The following DAB2IP variants were observed in gnomAD, a reference collection of about 807,000 sequenced individuals.
The protein encoded by DAB2IP is DAB2 interacting protein, also known as disabled homolog 2-interacting protein.
A neutral mutation model predicts 107.2 loss-of-function variants in DAB2IP; 28 were observed. The observed-to-expected ratio is 0.26, with a 90% confidence interval of 0.19 to 0.36. DAB2IP has a LOEUF of 0.36. DAB2IP is among the 10% of genes least tolerant of loss of function. DAB2IP has a pLI of 1.00. For synonymous variants in DAB2IP, 755 were observed against 706.4 expected (o/e 1.07, Z -1.09); for missense variants, 1,400 against 1,644.7 (o/e 0.85, Z 2.57).
chr9:121,714,382 C>T (rs758839475), intron 3 of DAB2IP, among the ~76,000 whole-genome samples: 2 of 152,194 alleles, frequency 1.3e-5, no homozygotes, highest in South Asian at 2.1e-4. Context: ...TGGTTTGCTT[C>T]GGAAACTCTG....
At chr9:121,581,919 C>A (rs527545417) in intron 1 of DAB2IP, among the ~76,000 whole-genome samples, 1 of 152,212 alleles carries the variant, frequency 6.6e-6, no homozygotes, top group Non-Finnish European at 1.5e-5. Context: ...CAGCTGACCC[C>A]GGGCTCATTA....
At chr9:121,774,341 G>A in exon 13 of DAB2IP, 5 of 1,613,190 alleles carry the variant, frequency 3.1e-6, no homozygotes, top group Non-Finnish European at 4.2e-6. Flanking sequence ...GTTAGAAGAC[G>A]AGGGCCTGGG....
intron 1 of DAB2IP, among the ~76,000 whole-genome samples, chr9:121,625,685 A>G (rs1477308808): frequency 4.1e-5 from 6 of 148,074 alleles, no homozygotes; most frequent in Admixed American, 2.0e-4. Flanking sequence ...TTTTTTCCCA[A>G]TGATGCCAGT....
At chr9:121,653,558 G>A (rs148025960) in intron 1 of DAB2IP, among the ~76,000 whole-genome samples, 1 of 152,140 alleles carries the variant, frequency 6.6e-6, no homozygotes, top group Non-Finnish European at 1.5e-5. Flanking sequence ...CTGAGAAATG[G>A]GAGCTTTGAA....
At chr9:121,594,520 G>A (rs1026103194) in intron 1 of DAB2IP, among the ~76,000 whole-genome samples, 6 of 152,080 alleles carry the variant, frequency 3.9e-5, no homozygotes, top group African/African-American at 1.4e-4. Flanking sequence ...TATAGGCCCC[G>A]AGCACTCTTT....
intron 3 of DAB2IP, among the ~76,000 whole-genome samples, chr9:121,719,141 T>C (rs1830778793): frequency 6.6e-6 from 1 of 152,280 alleles, no homozygotes; most frequent in Non-Finnish European, 1.5e-5. Flanking sequence ...CCCTGCAAAG[T>C]GGAGCACATG....
rs1422945596 is a variant in DAB2IP, at chr9:121,675,336, CAA to C, written c.125-3340_125-3339del. Among the ~76,000 whole-genome samples, 7 of 152,188 alleles carry C rather than the reference CAA, an allele frequency of 4.6e-5. No homozygotes were observed. In the East Asian group the frequency reaches 1.4e-3, roughly 29 times the overall value. On this transcript the variant is annotated intron_variant, in intron 1 of 15. Coordinates refer to ENST00000408936, the Ensembl canonical transcript of DAB2IP. ...CATTCCTGCATCGTGGCAGGTACAGCAAAGAGGGTTAGCAAGAACAGAAGCCA... is the reference window on the plus strand; with the variant it reads ...CATTCCTGCATCGTGGCAGGTACAGCAGAGGGTTAGCAAGAACAGAAGCCA...
exon 13 of DAB2IP, chr9:121,774,356 G>C: frequency 6.2e-7 from 1 of 1,612,848 alleles, no homozygotes; most frequent in Non-Finnish European, 8.5e-7. Flanking sequence ...CCTGGGCCCA[G>C]ACCCCCCCCA....
intron 1 of DAB2IP, among the ~76,000 whole-genome samples, chr9:121,580,811 G>A (rs1176538049): frequency 2.0e-5 from 3 of 152,164 alleles, no homozygotes; most frequent in African/African-American, 7.2e-5. Context: ...ATTTTTAGTA[G>A]AGACGGGGTT....
At chr9:121,660,128 A>T (rs1589468309) in intron 1 of DAB2IP, among the ~76,000 whole-genome samples, 1 of 152,268 alleles carries the variant, frequency 6.6e-6, no homozygotes, top group Non-Finnish European at 1.5e-5. Flanking sequence ...ACCACTGGGA[A>T]TCAAAGGAAG....
chr9:121,587,615 A>G (rs1830335854), intron 1 of DAB2IP, among the ~76,000 whole-genome samples: 2 of 127,410 alleles, frequency 1.6e-5, no homozygotes, highest in Non-Finnish European at 3.3e-5. Flanking sequence ...TCTCGAAAAG[A>G]AAAAAAAAAA....
chr9:121,652,979 T>G (rs1270953268), intron 1 of DAB2IP, among the ~76,000 whole-genome samples: 3 of 152,068 alleles, frequency 2.0e-5, no homozygotes, highest in Non-Finnish European at 4.4e-5. Context: ...CAGGAAGTAG[T>G]GAGTTCCCTG....
At chr9:121,774,991 G>A (rs767008000) in intron 13 of DAB2IP, among the ~76,000 whole-genome samples, 5 of 152,138 alleles carry the variant, frequency 3.3e-5, no homozygotes, top group South Asian at 2.1e-4. Flanking sequence ...CCCCACCCCC[G>A]GGAAAAGAAT....
At chr9:121,744,109 C>G (rs931144858) in intron 3 of DAB2IP, among the ~76,000 whole-genome samples, 1 of 152,194 alleles carries the variant, frequency 6.6e-6, no homozygotes, top group Non-Finnish European at 1.5e-5. Context: ...GGAGCTTGGC[C>G]TTTGCTCTGA....
intron 1 of DAB2IP, among the ~76,000 whole-genome samples, chr9:121,593,442 T>C (rs1000634276): frequency 6.6e-6 from 1 of 151,914 alleles, no homozygotes; most frequent in Non-Finnish European, 1.5e-5. Flanking sequence ...TAATTGTCTT[T>C]TCAATTTTTT....
intron 8 of DAB2IP, 81 bp from the exon 9 acceptor site, chr9:121,766,413 G>C: frequency 7.4e-7 from 1 of 1,347,426 alleles, no homozygotes. Context: ...GCCAAGGTTG[G>C]AATGCAGGTT....
chr9:121,576,955 C>T (rs1491002736), intron 1 of DAB2IP, among the ~76,000 whole-genome samples: 2 of 152,154 alleles, frequency 1.3e-5, no homozygotes, highest in Admixed American at 1.3e-4. Flanking sequence ...AGCCCTCACT[C>T]AACTGCCCAA....
At chr9:121,645,154 G>A (rs1402376123) in intron 1 of DAB2IP, among the ~76,000 whole-genome samples, 1 of 152,214 alleles carries the variant, frequency 6.6e-6, no homozygotes, top group Non-Finnish European at 1.5e-5. Flanking sequence ...GAGAAAGGAG[G>A]GGCTGTGGGC....
At chr9:121,598,518 T>C (rs1178597395) in intron 1 of DAB2IP, 2 of 152,232 alleles carry the variant, frequency 1.3e-5, no homozygotes, top group Admixed American at 6.5e-5. Context: ...GCCGAGGCCG[T>C]CCGAGATGGG....
Sources: gnomAD v4.1 joint callset for allele counts (sites outside exome capture counted in the v4.1 genomes callset) on GRCh38, gnomAD v4.1.1 for gene constraint, MANE v1.5 for transcripts, NCBI Gene and HGNC (gene_info 2026-07-23, HGNC 2026-07-21) for gene names.